Variants in LRRC28 observed in about 807,000 individuals in gnomAD.
LRRC28 encodes the protein leucine-rich repeat-containing protein 28.
A neutral mutation model predicts 45.7 loss-of-function variants in LRRC28; 39 were observed. The observed-to-expected ratio is 0.85, with a 90% confidence interval of 0.66 to 1.12. The LOEUF (loss-of-function observed/expected upper bound fraction) is 1.12, where lower values mean the gene tolerates loss of function less well. Ranked by LOEUF, LRRC28 falls within the 50% of genes most tolerant of loss-of-function variation. The pLI is 0.00. For missense variants in LRRC28, 435 were observed against 438.5 expected (o/e 0.99, Z 0.07); for synonymous variants, 206 against 178.8 (o/e 1.15, Z -1.22).
At chr15:99,274,501 G>C (rs1460972267) in intron 2 of LRRC28, among the ~76,000 whole-genome samples, 1 of 152,144 alleles carries the variant, frequency 6.6e-6, no homozygotes, top group Non-Finnish European at 1.5e-5. Context: ...GTCTTAGTGA[G>C]TGTTTAGATC....
intron 6 of LRRC28, among the ~76,000 whole-genome samples, chr15:99,335,476 T>C (rs1956291228): frequency 6.6e-6 from 1 of 152,210 alleles, no homozygotes; most frequent in Non-Finnish European, 1.5e-5. Context: ...AACTTGTAGA[T>C]TACCATATCT....
chr15:99,256,064 A>C lies in LRRC28; in HGVS notation c.107A>C (p.Lys36Thr). The change falls in exon 2 of 10, where the codon AAA becomes ACA. Residue 36 changes from lysine to threonine, a missense_variant. Physicochemically the swap from Lys to Thr is moderately conservative, Grantham distance 78. Transcript: ENST00000301981. ...NLHHFPLELL[K>T]DEGLQYLERL... The stretch of plus-strand genomic sequence containing the variant: ...CACCATTTTCCATTGGAGTTACTGA[A>C]AGATGAGGGACTGCAGTACTTGGAG... 1 of 1,614,004 alleles carries C rather than the reference A, an allele frequency of 6.2e-7. No homozygotes were observed. Among genetic ancestry groups the C allele is most frequent in the Non-Finnish European group, 8.5e-7 (1 of 1,179,926 alleles).
intron 2 of LRRC28, among the ~76,000 whole-genome samples, chr15:99,264,041 C>G (rs1251369276): frequency 6.6e-6 from 1 of 152,208 alleles, no homozygotes; most frequent in African/African-American, 2.4e-5. Context: ...AATGAACACT[C>G]AAAAAGTTTC....
intron 3 of LRRC28, among the ~76,000 whole-genome samples, chr15:99,278,774 G>T (rs1045489315): frequency 2.0e-5 from 3 of 152,188 alleles, no homozygotes; most frequent in African/African-American, 2.4e-5. Context: ...GACTTAGCTG[G>T]GTGCCTTTGC....
At position 99,256,117 on chromosome 15, in the gene LRRC28, A is replaced by G. The variant is rs1190597642; in HGVS notation, c.160A>G (p.Thr54Ala). The change falls in exon 2 of 10, where the codon ACA (threonine) becomes GCA (alanine). Residue 54 changes from threonine to alanine, a missense_variant. Thr to Ala is a moderately conservative substitution (Grantham distance 58). Coordinates refer to ENST00000301981, the MANE Select transcript of LRRC28 (RefSeq NM_144598.5). Reference sequence around the variant, plus strand: ...ACTCTATATGAAAAGGAACTCCCTGACATCCTTGGTACAGTATTATATTAC... The same window carrying G: ...ACTCTATATGAAAAGGAACTCCCTGGCATCCTTGGTACAGTATTATATTAC... The part of the protein sequence containing the change: ...ERLYMKRNSL[T>A]SLPENLAQKL... The G allele has an allele frequency of 6.2e-7, 1 of 1,609,692 alleles. No individual in the cohort carries two copies. The highest frequency in any genetic ancestry group is 1.3e-5 in the African/African-American group (1 of 74,554).
chr15:99,369,583 C>T (rs1957426532), intron 9 of LRRC28, among the ~76,000 whole-genome samples: 1 of 152,148 alleles, frequency 6.6e-6, no homozygotes, highest in Non-Finnish European at 1.5e-5. Context: ...TACTTTGTTG[C>T]TCTTAAGGCC....
intron 5 of LRRC28, among the ~76,000 whole-genome samples, chr15:99,316,899 A>G (rs1955614856): frequency 6.6e-6 from 1 of 152,078 alleles, no homozygotes; most frequent in Admixed American, 6.6e-5. Context: ...GTACAGTGGC[A>G]TGATCATAGC....
intron 6 of LRRC28, among the ~76,000 whole-genome samples, chr15:99,334,722 C>T (rs1039678174): frequency 6.6e-6 from 1 of 152,038 alleles, no homozygotes; most frequent in Admixed American, 6.6e-5. Flanking sequence ...TAAAACAGTA[C>T]ATTTATTTTA....
intron 5 of LRRC28, among the ~76,000 whole-genome samples, chr15:99,311,696 G>C (rs1009780898): frequency 6.6e-6 from 1 of 152,144 alleles, no homozygotes; most frequent in Non-Finnish European, 1.5e-5. Flanking sequence ...ACTCTAAAAA[G>C]CCAAGAATAT....
chr15:99,302,029 A>AT (rs66480151), intron 5 of LRRC28, among the ~76,000 whole-genome samples: 25,188 of 143,820 alleles, frequency 0.18, 2,362 homozygotes, highest in African/African-American at 0.26. Context: ...TGAGTTAATA[A>AT]TTTTTTTTTT....
chr15:99,252,327 T>C (rs184527380), intron 1 of LRRC28, among the ~76,000 whole-genome samples: 1 of 152,386 alleles, frequency 6.6e-6, no homozygotes, highest in African/African-American at 2.4e-5. Context: ...ATTGCTATTA[T>C]TGGCAGTTTT....
intron 2 of LRRC28, among the ~76,000 whole-genome samples, chr15:99,261,782 C>T (rs1332720194): frequency 2.6e-5 from 4 of 152,042 alleles, no homozygotes; most frequent in Admixed American, 6.6e-5. Flanking sequence ...CTCAGCCTCC[C>T]GAGTAGCTTG....
rs559107649 is a variant in LRRC28, at chr15:99,259,816, A to G, written c.168+3691A>G. On this transcript the variant is annotated intron_variant, in intron 2 of 9. Coordinates refer to ENST00000301981, the MANE Select transcript of LRRC28 (RefSeq NM_144598.5). ...TCGGTCAGGATGTCTTTTACCAGAC[A>G]CTAAAGCATATGGAGATAGAATAGA... The G allele has an allele frequency of 1.8e-5, 16 of 891,830 alleles. No homozygotes were observed. In the South Asian group the frequency reaches 2.0e-4, roughly 11 times the overall value. 55.2% of individuals were successfully genotyped at this position (891,830 alleles called of 1,614,324 possible). A position where few individuals can be genotyped will look rare whatever the true frequency, so the allele number is the denominator to read the frequency against.
chr15:99,358,376 A>G (rs954708255), intron 7 of LRRC28, among the ~76,000 whole-genome samples: 22 of 152,220 alleles, frequency 1.4e-4, no homozygotes, highest in African/African-American at 4.8e-4. Context: ...CTGTCTTAAC[A>G]TAGAAATCGA....
At chr15:99,350,113 G>A (rs535892622) in intron 6 of LRRC28, among the ~76,000 whole-genome samples, 98 of 149,460 alleles carry the variant, frequency 6.6e-4, no homozygotes, top group African/African-American at 2.3e-3. Context: ...TCCGCAGTCC[G>A]GCCTGGGCGA....
At chr15:99,255,157 G>C (rs1006221388) in intron 1 of LRRC28, among the ~76,000 whole-genome samples, 1 of 152,096 alleles carries the variant, frequency 6.6e-6, no homozygotes, top group Non-Finnish European at 1.5e-5. Context: ...AGGAATTTGA[G>C]ACTAGCCTGG....
intron 6 of LRRC28, among the ~76,000 whole-genome samples, chr15:99,341,298 G>T (rs1487218770): frequency 6.6e-6 from 1 of 151,918 alleles, no homozygotes; most frequent in Admixed American, 6.6e-5. Flanking sequence ...CACCGTGTTG[G>T]CCAGGCTGGT....
rs532593484 is a variant in LRRC28, at chr15:99,329,998, G to A, written c.386-3925G>A. On this transcript the variant is annotated intron_variant, in intron 5 of 9. Transcript: ENST00000301981. Reference sequence around the variant, plus strand: ...GTATGTTTATTGCCTATTTTATTGCGTAAAGTGACCTATCAAGTATTGTTA... The same window carrying A: ...GTATGTTTATTGCCTATTTTATTGCATAAAGTGACCTATCAAGTATTGTTA... 1.2e-4 allele frequency among the ~76,000 whole-genome samples: 18 copies of A among 152,172 alleles called. No homozygotes were observed. The East Asian group carries it at 3.1e-3, about 26-fold the overall frequency.
chr15:99,258,983 C>G, intron 2 of LRRC28: 1 of 759,724 alleles, frequency 1.3e-6, no homozygotes, highest in Non-Finnish European at 2.5e-6. Context: ...ACATAAACTG[C>G]TTAAGGTGAT....
Sources: allele counts gnomAD v4.1 joint callset (sites outside exome capture counted in the v4.1 genomes callset), GRCh38; gene constraint gnomAD v4.1.1; transcripts MANE v1.5; gene names NCBI Gene and HGNC (gene_info 2026-07-23, HGNC 2026-07-21).